Variants in B3GALT1 observed in about 807,000 individuals in gnomAD.
B3GALT1 encodes beta-1,3-galactosyltransferase 1.
A neutral mutation model predicts 23.2 loss-of-function variants in B3GALT1; 10 were observed. The observed-to-expected ratio is 0.43, with a 90% CI of 0.27 to 0.73. The LOEUF is 0.73. Among genes scored for constraint, B3GALT1 ranks in the 30% least tolerant of loss-of-function variants. The probability of loss-of-function intolerance (pLI) is 0.21; values close to 1 mark genes in which losing one functional copy is unlikely to be tolerated. For synonymous variants in B3GALT1, 156 were observed against 141.5 expected, an observed-to-expected ratio of 1.10 and a Z score of -0.73; for missense variants, 299 against 405.4, an observed-to-expected ratio of 0.74 and a Z score of 2.25.
chr2:167,375,913 T>C lies in B3GALT1; in HGVS notation c.-511+82579T>C, dbSNP rs1377951642. ...ATCCTTGTCTTGTTTCATTTCTTAATTGTCCTTCCAGTTTTTGCCTGTTCA... is the reference window on the plus strand; with the variant it reads ...ATCCTTGTCTTGTTTCATTTCTTAACTGTCCTTCCAGTTTTTGCCTGTTCA... On this transcript the variant is annotated intron_variant, in intron 1 of 4. Coordinates refer to ENST00000392690, the MANE Select transcript of B3GALT1 (RefSeq NM_020981.4). Among the ~76,000 whole-genome samples the C allele has an allele frequency of 4.6e-5, 7 of 152,062 alleles. No individual in the cohort carries two copies. In the East Asian group the frequency reaches 1.3e-3, roughly 29 times the overall value.
At chr2:167,649,245 C>T (rs79551603) in intron 3 of B3GALT1, among the ~76,000 whole-genome samples, 2,043 of 152,066 alleles carry the variant, frequency 0.013, 92 homozygotes, top group East Asian at 0.12. Context: ...CACTCTAATT[C>T]ATGCATAATA....
chr2:167,495,623 G>A lies in B3GALT1; in HGVS notation c.-410+5346G>A, dbSNP rs147688226. On this transcript the variant is annotated intron_variant, in intron 2 of 4. Transcript: ENST00000392690. ...GCTGGGATTACAGGCGTGAGCCACC[G>A]TGCCCGGCTTTGCCAGCTTTCTTAC... Among the ~76,000 whole-genome samples, 505 of 152,138 alleles carry A rather than the reference G, an allele frequency of 3.3e-3. 4 individuals carry two copies. The highest frequency in any genetic ancestry group is 0.011 in the African/African-American group (458 of 41,518).
intron 2 of B3GALT1, among the ~76,000 whole-genome samples, chr2:167,497,038 A>G (rs1054575992): frequency 2.8e-4 from 42 of 151,564 alleles, no homozygotes; most frequent in Admixed American, 2.5e-3. Context: ...CATGTACCCT[A>G]AAACTTAAAC....
intron 2 of B3GALT1, among the ~76,000 whole-genome samples, chr2:167,532,311 A>C (rs1683339437): frequency 6.6e-6 from 1 of 152,182 alleles, no homozygotes; most frequent in Admixed American, 6.5e-5. Context: ...ATAATAAAGA[A>C]ATGTTCAAGG....
intron 1 of B3GALT1, among the ~76,000 whole-genome samples, chr2:167,361,709 A>C (rs1697502123): frequency 6.6e-6 from 1 of 152,172 alleles, no homozygotes; most frequent in South Asian, 2.1e-4. Flanking sequence ...AGCCAACACC[A>C]ATCAACACTT....
At chr2:167,497,537 T>A (rs967890687) in intron 2 of B3GALT1, among the ~76,000 whole-genome samples, 1 of 152,208 alleles carries the variant, frequency 6.6e-6, no homozygotes, top group African/African-American at 2.4e-5. Context: ...TTAGAAGTTC[T>A]GCTTCAGGCT....
intron 1 of B3GALT1, among the ~76,000 whole-genome samples, chr2:167,477,214 A>G (rs1699499839): frequency 6.6e-6 from 1 of 152,312 alleles, no homozygotes; most frequent in South Asian, 2.1e-4. Context: ...CCTTTTGGAC[A>G]AAAGGGAAGA....
intron 1 of B3GALT1, among the ~76,000 whole-genome samples, chr2:167,464,483 C>T (rs1186464573): frequency 1.3e-5 from 2 of 152,006 alleles, no homozygotes; most frequent in African/African-American, 4.8e-5. Flanking sequence ...TAATCCAAAC[C>T]ATTTCTAGAA....
chr2:167,677,538 G>A (rs1004293419), intron 3 of B3GALT1, among the ~76,000 whole-genome samples: 6 of 152,106 alleles, frequency 3.9e-5, no homozygotes, highest in Non-Finnish European at 7.4e-5. Flanking sequence ...AAGATTTTTA[G>A]CATGGCCCTA....
intron 1 of B3GALT1, among the ~76,000 whole-genome samples, chr2:167,454,818 AG>A (rs1477685528): frequency 1.3e-5 from 2 of 152,158 alleles, no homozygotes; most frequent in Non-Finnish European, 2.9e-5. Context: ...AATAAATGTG[AG>A]TCTTAACCAT....
chr2:167,445,417 C>G (rs181979104), intron 1 of B3GALT1, among the ~76,000 whole-genome samples: 19 of 152,234 alleles, frequency 1.2e-4, no homozygotes, highest in African/African-American at 4.3e-4. Context: ...TCCTGGATAT[C>G]GTTGTTAACT....
intron 2 of B3GALT1, among the ~76,000 whole-genome samples, chr2:167,550,438 T>TAA (rs1016429133): frequency 2.0e-5 from 3 of 152,218 alleles, no homozygotes; most frequent in Non-Finnish European, 2.9e-5. Flanking sequence ...CTTCCAGCAG[T>TAA]AAAGTATCTC....
intron 2 of B3GALT1, among the ~76,000 whole-genome samples, chr2:167,536,513 T>C (rs989144300): frequency 2.0e-5 from 3 of 152,188 alleles, no homozygotes; most frequent in African/African-American, 7.2e-5. Context: ...TACGATCTTA[T>C]TCATCACTGC....
intron 2 of B3GALT1, among the ~76,000 whole-genome samples, chr2:167,597,243 G>A (rs1207555978): frequency 6.6e-6 from 1 of 151,726 alleles, no homozygotes; most frequent in Non-Finnish European, 1.5e-5. Flanking sequence ...AGCCTCCCTA[G>A]TAGCTGGGAC....
chr2:167,665,255 T>C (rs1686154163), intron 3 of B3GALT1, among the ~76,000 whole-genome samples: 1 of 142,706 alleles, frequency 7.0e-6, no homozygotes, highest in African/African-American at 2.7e-5. Flanking sequence ...GTTTATATGC[T>C]GGATTACATT....
At chr2:167,546,690 T>A (rs34498395) in intron 2 of B3GALT1, among the ~76,000 whole-genome samples, 13,598 of 152,138 alleles carry the variant, frequency 0.089, 1,848 homozygotes, top group African/African-American at 0.29. Flanking sequence ...CACCCACCAA[T>A]TCATAGTATA....
intron 3 of B3GALT1, chr2:167,714,761 G>T: frequency 6.2e-7 from 1 of 1,613,708 alleles, no homozygotes; most frequent in Non-Finnish European, 8.5e-7. Flanking sequence ...AAGATCTTTG[G>T]CTAGCTTTCT....
intron 2 of B3GALT1, among the ~76,000 whole-genome samples, 140 bp from the exon 3 acceptor site, chr2:167,646,769 T>C (rs1685754569): frequency 1.3e-5 from 2 of 152,200 alleles, no homozygotes; most frequent in South Asian, 4.1e-4. Context: ...AGCAATTATT[T>C]GTTAGTGAAA....
intron 2 of B3GALT1, among the ~76,000 whole-genome samples, chr2:167,523,625 A>G (rs1441908769): frequency 6.6e-6 from 1 of 152,032 alleles, no homozygotes; most frequent in Non-Finnish European, 1.5e-5. Flanking sequence ...GGGTTTCACC[A>G]CCTTGGCGAG....
Sources: gnomAD v4.1 joint callset for allele counts (sites outside exome capture counted in the v4.1 genomes callset) on GRCh38, gnomAD v4.1.1 for gene constraint, MANE v1.5 for transcripts, NCBI Gene and HGNC (gene_info 2026-07-23, HGNC 2026-07-21) for gene names.